Variants in MSRA observed in about 807,000 individuals in gnomAD.
MSRA encodes the protein mitochondrial peptide methionine sulfoxide reductase.
In MSRA, 54 loss-of-function variants were observed where a neutral mutation model predicts 31.3. That is an observed-to-expected ratio of 1.73 (90% CI 1.39 to 2.17). MSRA has a LOEUF of 2.17. Among genes scored for constraint, MSRA ranks in the 30% most tolerant of loss-of-function variants. MSRA has a pLI of 0.00. For missense variants in MSRA, 507 were observed against 300.9 expected, an observed-to-expected ratio of 1.69 and a Z score of -5.07; for synonymous variants, 169 against 116.5, an observed-to-expected ratio of 1.45 and a Z score of -2.90.
At chr8:10,152,852 C>G (rs1274425170) in intron 1 of MSRA, among the ~76,000 whole-genome samples, 2 of 152,138 alleles carry the variant, frequency 1.3e-5, no homozygotes, top group East Asian at 3.8e-4. Flanking sequence ...CTGTCACTTG[C>G]TACAACAGGG....
rs150495308 is a variant in MSRA at position 10,217,897 on chromosome 8, C to G, written c.211+9996C>G. ...TGCAATTGGTTAATATAAATAGTTT[C>G]TTTTCATCTGTAAGTTCACCCTTCT... On this transcript the variant is annotated intron_variant, in intron 2 of 5. Transcript: ENST00000317173. 1.9e-3 allele frequency among the ~76,000 whole-genome samples: 291 copies of G among 152,232 alleles called. 2 individuals carry two copies. The highest frequency in any genetic ancestry group is 6.7e-3 in the African/African-American group (279 of 41,552).
intron 5 of MSRA, among the ~76,000 whole-genome samples, chr8:10,323,323 T>G (rs1802163973): frequency 6.6e-6 from 1 of 152,162 alleles, no homozygotes; most frequent in Admixed American, 6.5e-5. Context: ...TAATGCCATC[T>G]ATAAACTCCC....
chr8:10,271,386 A>G (rs991027698), intron 3 of MSRA, among the ~76,000 whole-genome samples: 2 of 152,216 alleles, frequency 1.3e-5, no homozygotes, highest in African/African-American at 4.8e-5. Flanking sequence ...GGCCTTCTCA[A>G]TTATGTAACA....
At chr8:10,394,819 A>G (rs550361236) in intron 5 of MSRA, among the ~76,000 whole-genome samples, 1 of 152,384 alleles carries the variant, frequency 6.6e-6, no homozygotes, top group Admixed American at 6.5e-5. Context: ...TCCACCCAGT[A>G]TCATGATGGC....
At chr8:10,071,591 C>G (rs1006411085) in intron 1 of MSRA, among the ~76,000 whole-genome samples, 1 of 151,060 alleles carries the variant, frequency 6.6e-6, no homozygotes, top group Non-Finnish European at 1.5e-5. Context: ...TTGCGTTGAT[C>G]CTGGAGATTT....
chr8:10,117,461 A>G (rs1490094839), intron 1 of MSRA, among the ~76,000 whole-genome samples: 1 of 152,224 alleles, frequency 6.6e-6, no homozygotes, highest in Non-Finnish European at 1.5e-5. Flanking sequence ...TCTTGTCCCC[A>G]TGGAAGTGTG....
At chr8:10,325,561 A>G (rs1802315018) in intron 5 of MSRA, among the ~76,000 whole-genome samples, 1 of 152,166 alleles carries the variant, frequency 6.6e-6, no homozygotes. Flanking sequence ...GGCCCTTTTA[A>G]GTTTTGAAAC....
chr8:10,133,162 C>A (rs965800911), intron 1 of MSRA, among the ~76,000 whole-genome samples: 1 of 152,136 alleles, frequency 6.6e-6, no homozygotes, highest in Non-Finnish European at 1.5e-5. Context: ...ATCATGTTTT[C>A]CCACGGACTG....
At chr8:10,413,401 A>G (rs1465959704) in intron 5 of MSRA, among the ~76,000 whole-genome samples, 1 of 152,252 alleles carries the variant, frequency 6.6e-6, no homozygotes, top group African/African-American at 2.4e-5. Flanking sequence ...CACTGAACAA[A>G]GGAACAGCAG....
chr8:10,308,329 G>C (rs908612531), intron 4 of MSRA, among the ~76,000 whole-genome samples: 1 of 152,172 alleles, frequency 6.6e-6, no homozygotes, highest in African/African-American at 2.4e-5. Context: ...AATCAAACCT[G>C]TTGTTAAGAG....
intron 3 of MSRA, among the ~76,000 whole-genome samples, chr8:10,298,238 A>G (rs1800649027): frequency 1.3e-5 from 2 of 152,230 alleles, no homozygotes; most frequent in Non-Finnish European, 2.9e-5. Flanking sequence ...ATGTTCGTTG[A>G]TGGATGAATG....
intron 5 of MSRA, among the ~76,000 whole-genome samples, chr8:10,409,525 C>T (rs1478133055): frequency 3.3e-5 from 5 of 152,216 alleles, no homozygotes; most frequent in African/African-American, 1.2e-4. Flanking sequence ...TGCCTCTCCT[C>T]TCCTTTGCTA....
intron 2 of MSRA, among the ~76,000 whole-genome samples, chr8:10,239,494 T>C (rs938010733): frequency 2.8e-4 from 43 of 152,212 alleles, no homozygotes; most frequent in Non-Finnish European, 1.2e-4. Context: ...AATTGGCAAA[T>C]ATTTATATAC....
Position 10,207,828 on chromosome 8 carries a change from T to TC in MSRA, c.143-4dup. 1 of 1,604,116 alleles carries TC rather than the reference T, an allele frequency of 6.2e-7. No individual in the cohort carries two copies. On this transcript the variant is annotated splice_polypyrimidine_tract_variant and splice_region_variant and intron_variant, in intron 1 of 5. Transcript: ENST00000317173. ...AAACTTGCATTTCTTTTTTTTTTTT[T>TC]CTAGCCAAACATCATGTCAATGGCA...
At chr8:10,074,308 T>A (rs1166953781) in intron 1 of MSRA, among the ~76,000 whole-genome samples, 1 of 151,950 alleles carries the variant, frequency 6.6e-6, no homozygotes, top group Non-Finnish European at 1.5e-5. Context: ...GGTCTTGATC[T>A]CCTGACCTCG....
At chr8:10,240,745 C>G (rs375467737) in intron 2 of MSRA, among the ~76,000 whole-genome samples, 23 of 152,236 alleles carry the variant, frequency 1.5e-4, no homozygotes, top group South Asian at 1.0e-3. Context: ...CCTGTCTTTC[C>G]TGGCCACTCT....
chr8:10,230,921 A>G (rs1811417853), intron 2 of MSRA, among the ~76,000 whole-genome samples: 1 of 152,146 alleles, frequency 6.6e-6, no homozygotes, highest in South Asian at 2.1e-4. Flanking sequence ...AGTAGCTGGG[A>G]TTACCAGTAT....
intron 1 of MSRA, among the ~76,000 whole-genome samples, chr8:10,114,792 G>T (rs1343005422): frequency 6.6e-6 from 1 of 152,142 alleles, no homozygotes; most frequent in African/African-American, 2.4e-5. Context: ...ACTCAATATT[G>T]TAAAGATGTC....
intron 1 of MSRA, chr8:10,096,125 G>T: frequency 7.9e-7 from 1 of 1,273,322 alleles, no homozygotes; most frequent in Non-Finnish European, 1.0e-6. Context: ...AAGATTTTAT[G>T]CAGCCCAGCC....
Sources: allele counts gnomAD v4.1 joint callset (sites outside exome capture counted in the v4.1 genomes callset), GRCh38; gene constraint gnomAD v4.1.1; transcripts MANE v1.5; gene names NCBI Gene and HGNC (gene_info 2026-07-23, HGNC 2026-07-21).